The following STON1 variants were observed in gnomAD, a reference collection of about 807,000 sequenced individuals.
STON1 encodes stonin-1.
Under a neutral mutation model 60.9 loss-of-function variants are expected in STON1, and 79 were observed. The observed-to-expected ratio is 1.30, with a 90% CI of 1.08 to 1.56. The LOEUF (loss-of-function observed/expected upper bound fraction) is 1.56. Ranked by LOEUF, STON1 falls within the 40% of genes most tolerant of loss-of-function variation. The pLI is 0.00. For missense variants in STON1, 1,166 were observed against 858.9 expected (o/e 1.36, Z -4.47); for synonymous variants, 363 against 306.9 (o/e 1.18, Z -1.91).
chr2:48,558,121 G>A (rs943279652), intron 1 of STON1, among the ~76,000 whole-genome samples: 1 of 152,170 alleles, frequency 6.6e-6, no homozygotes, highest in African/African-American at 2.4e-5. Context: ...TACTCGGCAG[G>A]CTGAGGCAGA....
intron 1 of STON1, among the ~76,000 whole-genome samples, chr2:48,555,398 G>T: frequency 1.5e-5 from 1 of 68,710 alleles, no homozygotes; most frequent in South Asian, 5.8e-4. Context: ...AGGGGCGGCC[G>T]GGCAGAGGCG....
In STON1 at chr2:48,554,951, G is replaced by C. The variant is rs1344087208; in HGVS notation, c.-48+24735G>C. Among the ~76,000 whole-genome samples the C allele has an allele frequency of 1.4e-3, 87 of 62,024 alleles. 7 individuals carry two copies. The highest frequency in any genetic ancestry group is 5.5e-3 in the African/African-American group (85 of 15,462). The allele number at this position is 62,024 out of a possible 152,430, so 40.7% of individuals were successfully genotyped here. ...CTCTTAACGAGCATGCTGCCTTCAA[G>C]CATCTGTTTAACAAAGCACATCTTG... On this transcript the variant is annotated intron_variant, in intron 1 of 3. Transcript: ENST00000404752.
At chr2:48,569,321 A>G (rs1028748931) in intron 1 of STON1, among the ~76,000 whole-genome samples, 5 of 152,252 alleles carry the variant, frequency 3.3e-5, no homozygotes, top group African/African-American at 1.2e-4. Flanking sequence ...GGAGGGCAGT[A>G]GAGAGATTTA....
intron 1 of STON1, among the ~76,000 whole-genome samples, chr2:48,564,821 C>T (rs1481822522): frequency 1.4e-5 from 2 of 146,992 alleles, no homozygotes; most frequent in African/African-American, 2.5e-5. Flanking sequence ...CAACCTCTGC[C>T]TCCTGGGTCC....
At chr2:48,569,491 G>A (rs1481128231) in intron 1 of STON1, among the ~76,000 whole-genome samples, 1 of 152,140 alleles carries the variant, frequency 6.6e-6, no homozygotes, top group Non-Finnish European at 1.5e-5. Flanking sequence ...GTGGAAAAGT[G>A]AAAAGACCAT....
intron 1 of STON1, among the ~76,000 whole-genome samples, chr2:48,559,041 G>A (rs76033316): frequency 0.33 from 49,492 of 151,584 alleles, 8,122 homozygotes; most frequent in East Asian, 0.39. Flanking sequence ...GGGATGCTGA[G>A]CTGGTAAGTA....
Position 48,582,287 on chromosome 2 carries a change from T to C in STON1, c.1654T>C (p.Leu552=), listed in dbSNP as rs781369987. 9 of 1,614,100 alleles carry C rather than the reference T, an allele frequency of 5.6e-6. No homozygotes were observed. The highest frequency in any genetic ancestry group is 2.7e-5 in the African/African-American group (2 of 74,930). ...ELQAFVNMAS[L]AQRSSYAGSL... ...TCAGGCTTTTGTCAACATGGCCTCA[T>C]TGGCGCAGAGGTCATCCTATGCTGG... The change falls in exon 2 of 4, where the codon TTG becomes CTG. Residue 552 remains leucine (L), a synonymous_variant. Coordinates refer to ENST00000404752, the MANE Select transcript of STON1 (RefSeq NM_006873.4).
chr2:48,587,694 T>G (rs1674292530), intron 2 of STON1, among the ~76,000 whole-genome samples: 1 of 152,216 alleles, frequency 6.6e-6, no homozygotes, highest in Non-Finnish European at 1.5e-5. Context: ...AGGAATTCTT[T>G]TGTAAAACCG....
chr2:48,568,082 G>A (rs1010429342), intron 1 of STON1, among the ~76,000 whole-genome samples: 3 of 149,450 alleles, frequency 2.0e-5, no homozygotes, highest in Non-Finnish European at 4.4e-5. Context: ...GCCCTCTGCT[G>A]AAGGAGAGGG....
intron 2 of STON1, among the ~76,000 whole-genome samples, chr2:48,588,912 T>C (rs967071442): frequency 2.6e-5 from 4 of 152,106 alleles, no homozygotes; most frequent in African/African-American, 9.7e-5. Context: ...ACAGACTTCA[T>C]TCATACTAAG....
chr2:48,534,629 C>T (rs927969993), intron 1 of STON1, among the ~76,000 whole-genome samples: 2 of 151,888 alleles, frequency 1.3e-5, no homozygotes, highest in African/African-American at 4.8e-5. Flanking sequence ...GACTAAGTGG[C>T]ACAAATTAGT....
chr2:48,547,993 A>G (rs1405232867), intron 1 of STON1, among the ~76,000 whole-genome samples: 1 of 152,218 alleles, frequency 6.6e-6, no homozygotes, highest in Non-Finnish European at 1.5e-5. Context: ...AAGTCTAGGT[A>G]AACACTTTCA....
At position 48,581,458 on chromosome 2, in the gene STON1, A is replaced by G; in HGVS notation, c.825A>G (p.Gly275=). 1.9e-6 allele frequency: 3 copies of G among 1,614,184 alleles called. No homozygotes were observed. Among genetic ancestry groups the G allele is most frequent in the Non-Finnish European group, 2.5e-6 (3 of 1,180,018 alleles). The change falls in exon 2 of 4, where the codon GGA becomes GGG. Residue 275 remains glycine (G), a synonymous_variant. Coordinates refer to ENST00000404752, the MANE Select transcript of STON1 (RefSeq NM_006873.4). The part of the protein sequence containing the change: ...HTLFRSQPKS[G]WSFMLRIPEK... Reference sequence around the variant, plus strand: ...TCTTCAGGAGTCAGCCAAAATCCGGATGGTCTTTCATGCTGAGAATTCCTG... The same window carrying G: ...TCTTCAGGAGTCAGCCAAAATCCGGGTGGTCTTTCATGCTGAGAATTCCTG...
intron 1 of STON1, among the ~76,000 whole-genome samples, chr2:48,532,688 C>T (rs1321930457): frequency 6.6e-6 from 1 of 152,116 alleles, no homozygotes; most frequent in African/African-American, 2.4e-5. Flanking sequence ...GCCACGGGTA[C>T]AAGAGTCTGC....
rs1341475210 is a variant in STON1 at position 48,597,212 on chromosome 2, C to T, written c.*1910C>T. ...CTTATAATATCATATGCTTGAGGCT[C>T]ACTGTTGATGTAGAGTAGGGCAAAT... On this transcript the variant is annotated 3_prime_UTR_variant, in exon 4 of 4. Coordinates refer to ENST00000404752, the MANE Select transcript of STON1 (RefSeq NM_006873.4). 2 of 152,182 alleles carry T rather than the reference C, an allele frequency of 1.3e-5. No individual in the cohort carries two copies. The highest frequency in any genetic ancestry group is 2.1e-4 in the South Asian group (1 of 4,798). 9.4% of individuals were successfully genotyped at this position (152,182 alleles called of 1,614,324 possible).
At chr2:48,548,842 C>T (rs570003025) in intron 1 of STON1, among the ~76,000 whole-genome samples, 2 of 152,240 alleles carry the variant, frequency 1.3e-5, no homozygotes, top group East Asian at 3.9e-4. Flanking sequence ...CCTCCATGCC[C>T]ACTGAATACT....
chr2:48,561,884 A>G (rs575588493), intron 1 of STON1, among the ~76,000 whole-genome samples: 1 of 152,278 alleles, frequency 6.6e-6, no homozygotes, highest in South Asian at 2.1e-4. Context: ...TTTTTGAAAC[A>G]GAGTCTCACT....
chr2:48,566,369 T>G (rs1672943120), intron 1 of STON1, among the ~76,000 whole-genome samples: 1 of 151,968 alleles, frequency 6.6e-6, no homozygotes, highest in Non-Finnish European at 1.5e-5. Context: ...AGAGACGGGG[T>G]TTCACCATGT....
At position 48,564,405 on chromosome 2, in the gene STON1, G is replaced by GTCTTCTTCCTCT. The variant is rs1558603784; in HGVS notation, c.-47-16174_-47-16173insCTCTTCTTCTTC. The stretch of plus-strand genomic sequence containing the variant: ...TAGGTCCTCCAGTGGCAGTGGCGGT[G>GTCTTCTTCCTCT]TCTTCTTCTTCTTCTTCTTCTTCTT... On this transcript the variant is annotated intron_variant, in intron 1 of 3. Coordinates refer to ENST00000404752, the MANE Select transcript of STON1 (RefSeq NM_006873.4). Among the ~76,000 whole-genome samples, 131 of 83,094 alleles carry GTCTTCTTCCTCT rather than the reference G, an allele frequency of 1.6e-3. 2 individuals are homozygous for GTCTTCTTCCTCT. The highest frequency in any genetic ancestry group is 1.8e-3 in the Non-Finnish European group (72 of 40,732). 54.5% of individuals were successfully genotyped at this position (83,094 alleles called of 152,430 possible). A position where few individuals can be genotyped will look rare whatever the true frequency, so the allele number is the denominator to read the frequency against.
Sources: allele counts gnomAD v4.1 joint callset (sites outside exome capture counted in the v4.1 genomes callset), GRCh38; gene constraint gnomAD v4.1.1; transcripts MANE v1.5; gene names NCBI Gene and HGNC (gene_info 2026-07-23, HGNC 2026-07-21).